The following BCO1 variants were observed in gnomAD, a reference collection of about 807,000 sequenced individuals.
BCO1 encodes beta,beta-carotene 15,15'-dioxygenase.
A neutral mutation model predicts 56.3 loss-of-function variants in BCO1; 54 were observed. That is an observed-to-expected ratio of 0.96 (90% CI 0.77 to 1.20). The LOEUF is 1.20. BCO1 is among the 50% of genes most tolerant of loss of function. The probability of loss-of-function intolerance (pLI) is 0.00; values close to 1 mark genes in which losing one functional copy is unlikely to be tolerated. For synonymous variants in BCO1, 318 were observed against 266.1 expected, an observed-to-expected ratio of 1.20 and a Z score of -1.90; for missense variants, 801 against 690.9, an observed-to-expected ratio of 1.16 and a Z score of -1.79.
rs902862596 is a variant in BCO1, at chr16:81,270,363, C to T, written c.1048C>T (p.Leu350Phe). ...LNQDFKENSRLTSVPTLRRFA... is the reference protein window; with the variant it reads ...LNQDFKENSRFTSVPTLRRFA... ...CCAGGACTTCAAGGAGAACTCCAGG[C>T]TCACCTCGGTCCCCACCCTCAGGAG... Residue 350 changes from leucine (L) to phenylalanine (F), a missense_variant, in exon 7 of 11, where the codon CTC (leucine) becomes TTC (phenylalanine). Transcript: ENST00000258168. The T allele has an allele frequency of 4.3e-6, 7 of 1,614,004 alleles. No individual in the cohort carries two copies. The highest frequency in any genetic ancestry group is 5.9e-6 in the Non-Finnish European group (7 of 1,180,036).
intron 10 of BCO1, among the ~76,000 whole-genome samples, chr16:81,289,169 C>T (rs141099927): frequency 6.6e-6 from 1 of 152,326 alleles, no homozygotes; most frequent in South Asian, 2.1e-4. Flanking sequence ...TGCTCAACTG[C>T]TCTTCCACCT....
At chr16:81,262,783 C>T (rs1043006332) in intron 4 of BCO1, 1 of 208,824 alleles carries the variant, frequency 4.8e-6, no homozygotes, top group Non-Finnish European at 9.6e-6. Context: ...GCCCAGATTG[C>T]ACCACTGCAC....
intron 4 of BCO1, chr16:81,264,020 C>T (rs932432237): frequency 3.8e-5 from 6 of 156,990 alleles, no homozygotes; most frequent in South Asian, 1.9e-4. Context: ...GAAGCGCAGA[C>T]GGTTGGTCTG....
At chr16:81,270,749 A>AT (rs79990424) in intron 7 of BCO1, among the ~76,000 whole-genome samples, 148 of 126,512 alleles carry the variant, frequency 1.2e-3, no homozygotes, top group African/African-American at 1.7e-3. Flanking sequence ...ATTGTACATA[A>AT]TTTTTTTTTT....
chr16:81,268,321 C>T (rs903547126), intron 6 of BCO1, among the ~76,000 whole-genome samples, 190 bp downstream of exon 6: 1 of 152,150 alleles, frequency 6.6e-6, no homozygotes, highest in Non-Finnish European at 1.5e-5. Flanking sequence ...GCCTTTGTAC[C>T]CCCACGGTGA....
chr16:81,239,066 G>C (rs915867047), intron 1 of BCO1, 94 bp downstream of exon 1: 452 of 1,122,052 alleles, frequency 4.0e-4, no homozygotes, highest in Non-Finnish European at 5.5e-4. Flanking sequence ...GCCCGGGCTG[G>C]AGTCCAGTGG....
chr16:81,257,585 G>C (rs989720909), intron 2 of BCO1, among the ~76,000 whole-genome samples: 2 of 148,512 alleles, frequency 1.3e-5, no homozygotes, highest in Non-Finnish European at 3.0e-5. Context: ...ATTTTACATA[G>C]CAAAAGAAAC....
chr16:81,273,474 C>T (rs1484142953), intron 7 of BCO1, among the ~76,000 whole-genome samples: 1 of 152,102 alleles, frequency 6.6e-6, no homozygotes, highest in Admixed American at 6.6e-5. Context: ...CAGCCACCCT[C>T]CCAGCCAGCG....
At chr16:81,252,856 T>C (rs35397421) in intron 2 of BCO1, among the ~76,000 whole-genome samples, 74,271 of 152,018 alleles carry the variant, frequency 0.49, 19,488 homozygotes, top group African/African-American at 0.69. Flanking sequence ...CCCCTTACAT[T>C]ACCACATCTC....
intron 7 of BCO1, among the ~76,000 whole-genome samples, chr16:81,277,148 C>G (rs1398442141): frequency 1.3e-5 from 2 of 151,732 alleles, no homozygotes; most frequent in Admixed American, 6.6e-5. Context: ...TTTGGGACAG[C>G]CTGTTCCACG....
intron 2 of BCO1, among the ~76,000 whole-genome samples, chr16:81,245,937 A>G (rs958758823): frequency 1.5e-5 from 2 of 137,268 alleles, no homozygotes; most frequent in African/African-American, 5.5e-5. Context: ...ATCTTGACTC[A>G]CGGCAACCTG....
chr16:81,285,763 A>T (rs1056445122), intron 9 of BCO1, 129 bp downstream of exon 9: 27 of 751,038 alleles, frequency 3.6e-5, no homozygotes, highest in Middle Eastern at 2.3e-4. Context: ...GGATAAAATA[A>T]ATTTGAAGTA....
chr16:81,266,225 G>A (rs1430003098), intron 5 of BCO1, among the ~76,000 whole-genome samples: 1 of 152,180 alleles, frequency 6.6e-6, no homozygotes, highest in Non-Finnish European at 1.5e-5. Context: ...TTCTCCATGT[G>A]GGGCTGGGAT....
rs1908400946 is a variant in BCO1, at chr16:81,290,478, A to G, written c.1545A>G (p.Gly515=). The G allele has an allele frequency of 6.2e-7, 1 of 1,614,008 alleles. No homozygotes were observed. Among genetic ancestry groups the G allele is most frequent in the Admixed American group, 1.7e-5 (1 of 59,988 alleles). Residue 515 remains glycine, a synonymous_variant, in exon 11 of 11, where the codon GGA becomes GGG. Coordinates refer to ENST00000258168, the MANE Select transcript of BCO1 (RefSeq NM_017429.3). ...TCGATATGCACATGGATCTCCATGG[A>G]TTATTCATTACAGACATGGACTGGG... ...VDVDMHMDLH[G]LFITDMDWDT...
At chr16:81,277,703 G>A (rs1292340809) in intron 7 of BCO1, among the ~76,000 whole-genome samples, 2 of 152,186 alleles carry the variant, frequency 1.3e-5, no homozygotes, top group African/African-American at 4.8e-5. Context: ...TCTTATGAGA[G>A]TTCCCTTAAG....
rs35402352 is a variant in BCO1 at position 81,272,113 on chromosome 16, C to CTT, written c.1101+1714_1101+1715dup. On this transcript the variant is annotated intron_variant, in intron 7 of 10. Coordinates refer to ENST00000258168, the MANE Select transcript of BCO1 (RefSeq NM_017429.3). ...CTTACAGACTGCTTTTCTTTTCTTT[C>CTT]TTTTTTTTTTTTTTTTTTGAGAAGG... Among the ~76,000 whole-genome samples the CTT allele has an allele frequency of 2.0e-3, 227 of 111,296 alleles. 5 individuals are homozygous for CTT. The highest frequency in any genetic ancestry group is 0.011 in the Middle Eastern group (2 of 184). 73.0% of individuals were successfully genotyped at this position (111,296 alleles called of 152,430 possible).
chr16:81,248,734 G>A (rs935767507), intron 2 of BCO1, among the ~76,000 whole-genome samples: 2 of 152,006 alleles, frequency 1.3e-5, no homozygotes, highest in African/African-American at 4.8e-5. Context: ...AGTGGTGGCC[G>A]GGCGCGGTGG....
At chr16:81,279,937 C>G (rs1907768693) in intron 7 of BCO1, among the ~76,000 whole-genome samples, 1 of 152,130 alleles carries the variant, frequency 6.6e-6, no homozygotes, top group South Asian at 2.1e-4. Context: ...TAAAGTCCCC[C>G]CAATCCCATC....
At chr16:81,274,349 C>T (rs1442963762) in intron 7 of BCO1, among the ~76,000 whole-genome samples, 6 of 150,410 alleles carry the variant, frequency 4.0e-5, no homozygotes, top group African/African-American at 1.5e-4. Context: ...CTGCAAGCTC[C>T]GCCTCCCGGG....
Sources: allele counts gnomAD v4.1 joint callset (sites outside exome capture counted in the v4.1 genomes callset), GRCh38; gene constraint gnomAD v4.1.1; transcripts MANE v1.5; gene names NCBI Gene and HGNC (gene_info 2026-07-23, HGNC 2026-07-21).